The following XIRP2 variants were observed in gnomAD, a reference collection of about 807,000 sequenced individuals.
XIRP2 encodes the protein xin actin binding repeat containing 2, also known as xin actin-binding repeat-containing protein 2.
A neutral mutation model predicts 277.0 loss-of-function variants in XIRP2; 236 were observed. That is an observed-to-expected ratio of 0.85 (90% CI 0.77 to 0.95). XIRP2 has a LOEUF of 0.95. XIRP2 is among the 40% of genes least tolerant of loss of function. The pLI is 0.00. For synonymous variants in XIRP2, 1,490 were observed against 1,416.5 expected (o/e 1.05, Z -1.17); for missense variants, 4,640 against 4,157.5 (o/e 1.12, Z -3.19).
chr2:166,983,128 CT>C lies in XIRP2; in HGVS notation c.408+79240del, dbSNP rs375392725. Among the ~76,000 whole-genome samples, 16 of 152,250 alleles carry C rather than the reference CT, an allele frequency of 1.1e-4. No individual in the cohort carries two copies. The East Asian group carries it at 2.9e-3, about 28-fold the overall frequency. On this transcript the variant is annotated intron_variant, in intron 2 of 10. Coordinates refer to ENST00000409195, the MANE Select transcript of XIRP2 (RefSeq NM_152381.6). ...GGGAAGTTTGATTCAATATGAGCTA[CT>C]TGGCTATAATCGAGGGTTGGTTTTT...
At chr2:167,157,409 C>T (rs1692232858) in intron 3 of XIRP2, among the ~76,000 whole-genome samples, 1 of 152,040 alleles carries the variant, frequency 6.6e-6, no homozygotes, top group Non-Finnish European at 1.5e-5. Flanking sequence ...TAGGGATGTT[C>T]CTAGATCTCA....
chr2:167,006,806 GAGTAAT>G (rs1259424226), intron 2 of XIRP2, among the ~76,000 whole-genome samples: 2 of 151,534 alleles, frequency 1.3e-5, no homozygotes, highest in African/African-American at 4.8e-5. Context: ...TTTCTTCTTT[GAGTAAT>G]ATTCTGGCAA....
rs529704993 is a variant in XIRP2 at position 167,218,190 on chromosome 2, G to T, written c.748G>T (p.Ala250Ser). The change falls in exon 5 of 11, where the codon GCA becomes TCA. Residue 250 changes from alanine (A) to serine (S), a missense_variant. Physicochemically the swap from Ala to Ser is moderately conservative, Grantham distance 99. Transcript: ENST00000409195. Reference protein sequence around the residue: ...ANMMEESEMCAVPGGLAKVKK... With the variant: ...ANMMEESEMCSVPGGLAKVKK... Reference sequence around the variant, plus strand: ...GATGATGGAAGAATCAGAAATGTGCGCAGTGCCTGGTGGTTTGGCCAAGGT... The same window carrying T: ...GATGATGGAAGAATCAGAAATGTGCTCAGTGCCTGGTGGTTTGGCCAAGGT... The T allele has an allele frequency of 3.1e-6, 5 of 1,600,152 alleles. No individual in the cohort carries two copies. The highest frequency in any genetic ancestry group is 3.4e-6 in the Non-Finnish European group (4 of 1,174,108).
At chr2:166,980,484 T>A (rs1335429806) in intron 2 of XIRP2, among the ~76,000 whole-genome samples, 1 of 152,164 alleles carries the variant, frequency 6.6e-6, no homozygotes, top group African/African-American at 2.4e-5. Context: ...TGGCACAATC[T>A]CAGCTCACTG....
At chr2:167,016,555 C>T (rs1032392751) in intron 2 of XIRP2, among the ~76,000 whole-genome samples, 1 of 151,988 alleles carries the variant, frequency 6.6e-6, no homozygotes, top group Non-Finnish European at 1.5e-5. Flanking sequence ...CTCAATATAA[C>T]ACAAAAGATT....
chr2:166,995,022 C>T (rs548943889), intron 2 of XIRP2, among the ~76,000 whole-genome samples: 1 of 152,048 alleles, frequency 6.6e-6, no homozygotes, highest in African/African-American at 2.4e-5. Flanking sequence ...GCTGGGACTA[C>T]AGGTGCGCAC....
chr2:166,958,844 A>G (rs1686233167), intron 2 of XIRP2, among the ~76,000 whole-genome samples: 1 of 151,822 alleles, frequency 6.6e-6, no homozygotes, highest in Non-Finnish European at 1.5e-5. Context: ...TACATCATAA[A>G]TAAATAATCA....
intron 2 of XIRP2, among the ~76,000 whole-genome samples, chr2:166,967,200 A>T (rs1490458611): frequency 6.6e-6 from 1 of 151,914 alleles, no homozygotes; most frequent in Non-Finnish European, 1.5e-5. Flanking sequence ...TAAATAAAAT[A>T]AAACGTTTGC....
chr2:167,195,631 T>A (rs989403217), intron 3 of XIRP2, among the ~76,000 whole-genome samples: 3 of 152,140 alleles, frequency 2.0e-5, no homozygotes, highest in African/African-American at 7.2e-5. Flanking sequence ...AGACCGTTTA[T>A]CATGGGAATC....
intron 3 of XIRP2, among the ~76,000 whole-genome samples, chr2:167,205,154 G>C (rs1471902439): frequency 6.6e-6 from 1 of 152,022 alleles, no homozygotes; most frequent in Non-Finnish European, 1.5e-5. Flanking sequence ...ATACCCAGGT[G>C]GATTATGTCC....
rs923234845 is a variant in XIRP2, at chr2:167,245,666, T to C, written c.4274T>C (p.Phe1425Ser). The C allele has an allele frequency of 2.7e-5, 43 of 1,613,448 alleles. No individual in the cohort carries two copies. Among genetic ancestry groups the C allele is most frequent in the Non-Finnish European group, 3.6e-5 (43 of 1,179,720 alleles). ...AATGTAAAGACAAGTAGACAATTCT[T>C]TGAGTCTGAAAATTTTGATAAGAAT... ...GGNVKTSRQF[F>S]ESENFDKNNY... Residue 1425 changes from phenylalanine (F) to serine (S), a missense_variant, in exon 9 of 11, where the codon TTT (phenylalanine) becomes TCT (serine). Phe to Ser is a radical substitution (Grantham distance 155). Coordinates refer to ENST00000409195, the MANE Select transcript of XIRP2 (RefSeq NM_152381.6).
intron 2 of XIRP2, among the ~76,000 whole-genome samples, chr2:167,076,476 G>A (rs1689576191): frequency 6.6e-6 from 1 of 152,138 alleles, no homozygotes; most frequent in African/African-American, 2.4e-5. Context: ...AAATGAACTT[G>A]CAAAATGATT....
chr2:167,186,345 C>A (rs1693153526), intron 3 of XIRP2, among the ~76,000 whole-genome samples: 2 of 152,082 alleles, frequency 1.3e-5, no homozygotes, highest in African/African-American at 4.8e-5. Flanking sequence ...ATGTAATATA[C>A]CTACTGATTT....
chr2:167,046,598 A>T (rs1446113437), intron 2 of XIRP2, among the ~76,000 whole-genome samples: 8 of 152,044 alleles, frequency 5.3e-5, no homozygotes, highest in Admixed American at 4.6e-4. Flanking sequence ...AGCCATAAAA[A>T]AGGAATGAAA....
At chr2:167,095,893 A>G (rs1329462117) in intron 2 of XIRP2, among the ~76,000 whole-genome samples, 1 of 27,838 alleles carries the variant, frequency 3.6e-5, no homozygotes, top group African/African-American at 9.1e-5. Flanking sequence ...TTTTTTTTTG[A>G]GAAGGAGTCT....
chr2:167,140,216 T>A (rs918347333), intron 3 of XIRP2, among the ~76,000 whole-genome samples: 1 of 152,196 alleles, frequency 6.6e-6, no homozygotes, highest in Non-Finnish European at 1.5e-5. Context: ...AAAGCAATAG[T>A]TTTATCATAG....
intron 3 of XIRP2, among the ~76,000 whole-genome samples, chr2:167,199,832 T>A (rs1420206855): frequency 1.3e-5 from 2 of 151,566 alleles, no homozygotes; most frequent in African/African-American, 4.9e-5. Flanking sequence ...AAACCACACA[T>A]AAAGGAGGAT....
rs1298969752 is a variant in XIRP2 at position 167,239,960 on chromosome 2, G to C, written c.964G>C (p.Glu322Gln). The C allele has an allele frequency of 6.3e-7, 1 of 1,592,472 alleles. No individual in the cohort carries two copies. The highest frequency in any genetic ancestry group is 8.5e-7 in the Non-Finnish European group (1 of 1,174,248). The change falls in exon 6 of 11, where the codon GAA becomes CAA. Residue 322 changes from glutamate (E) to glutamine (Q), a missense_variant. Glu to Gln is a conservative substitution (Grantham distance 29). Coordinates refer to ENST00000409195, the MANE Select transcript of XIRP2 (RefSeq NM_152381.6). ...KVQKIDVHGT[E>Q]MVSHLEKHTE... ...ACAGAAAATTGATGTTCATGGAACA[G>C]AAATGGTAACTATTTAGAAAGGCAG... is the stretch of plus-strand genomic sequence containing the variant.
rs572492077 is a variant in XIRP2, at chr2:167,026,961, T to C, written c.409-108948T>C. On this transcript the variant is annotated intron_variant, in intron 2 of 10. Transcript: ENST00000409195. ...ATTTTTTCCTTCATTTCAACTTTGG[T>C]GAATCTGACAATTATGTGTCTTGGT... Among the ~76,000 whole-genome samples the C allele has an allele frequency of 2.3e-4, 35 of 152,262 alleles. 2 individuals carry two copies. In the South Asian group the frequency reaches 7.0e-3, roughly 31 times the overall value.
Sources: gnomAD v4.1 joint callset for allele counts (sites outside exome capture counted in the v4.1 genomes callset) on GRCh38, gnomAD v4.1.1 for gene constraint, MANE v1.5 for transcripts, NCBI Gene and HGNC (gene_info 2026-07-23, HGNC 2026-07-21) for gene names.